Variants in BMP5 observed in about 807,000 individuals in gnomAD.
BMP5 encodes the protein bone morphogenetic protein 5.
In BMP5, 23 loss-of-function variants were observed where a neutral mutation model predicts 46.6. That is an observed-to-expected ratio of 0.49 (90% CI 0.35 to 0.70). The LOEUF (loss-of-function observed/expected upper bound fraction) is 0.70. Among genes scored for constraint, BMP5 ranks in the 30% least tolerant of loss-of-function variants. The pLI is 0.00. For missense variants in BMP5, 545 were observed against 565.6 expected (o/e 0.96, Z 0.37); for synonymous variants, 204 against 191.9 (o/e 1.06, Z -0.52).
chr6:55,806,164 A>G (rs926356780), intron 2 of BMP5, among the ~76,000 whole-genome samples: 1 of 152,068 alleles, frequency 6.6e-6, no homozygotes, highest in African/African-American at 2.4e-5. Flanking sequence ...CCTGAATGGT[A>G]TTGCCTAGGT....
At chr6:55,818,844 A>G (rs1158124027) in intron 2 of BMP5, among the ~76,000 whole-genome samples, 1 of 152,174 alleles carries the variant, frequency 6.6e-6, no homozygotes, top group Non-Finnish European at 1.5e-5. Flanking sequence ...CAAAAGGAAG[A>G]CCTAGATGTG....
intron 3 of BMP5, among the ~76,000 whole-genome samples, chr6:55,781,834 C>T (rs1417616550): frequency 1.3e-5 from 2 of 151,906 alleles, no homozygotes; most frequent in Non-Finnish European, 2.9e-5. Flanking sequence ...TGGTCTCAAA[C>T]TCCTGACCAC....
chr6:55,863,503 G>C (rs1421292608), intron 1 of BMP5, among the ~76,000 whole-genome samples: 1 of 152,098 alleles, frequency 6.6e-6, no homozygotes, highest in Non-Finnish European at 1.5e-5. Context: ...TTAAGATGTG[G>C]ATAAATTGAA....
chr6:55,816,488 A>G (rs536025366), intron 2 of BMP5, among the ~76,000 whole-genome samples: 86 of 152,276 alleles, frequency 5.6e-4, no homozygotes, highest in South Asian at 1.0e-3. Flanking sequence ...AGTATTCACT[A>G]TATATGCCTG....
chr6:55,789,883 A>C (rs1205622575), intron 3 of BMP5, among the ~76,000 whole-genome samples: 1 of 152,176 alleles, frequency 6.6e-6, no homozygotes, highest in Non-Finnish European at 1.5e-5. Flanking sequence ...AGCATGAAAA[A>C]ATAATAAAAT....
chr6:55,854,013 G>A (rs918490120), intron 1 of BMP5, among the ~76,000 whole-genome samples: 5 of 151,938 alleles, frequency 3.3e-5, no homozygotes, highest in African/African-American at 1.2e-4. Context: ...GGATATTTTA[G>A]CAAACATTTT....
intron 1 of BMP5, among the ~76,000 whole-genome samples, chr6:55,840,906 C>G (rs912964360): frequency 2.0e-5 from 3 of 152,318 alleles, no homozygotes; most frequent in Non-Finnish European, 4.4e-5. Context: ...CTCCAACCCC[C>G]AGGCCCCAGA....
At chr6:55,822,242 A>G (rs920273883) in intron 1 of BMP5, among the ~76,000 whole-genome samples, 2 of 152,184 alleles carry the variant, frequency 1.3e-5, no homozygotes, top group Admixed American at 6.5e-5. Flanking sequence ...ACATAGACCT[A>G]AAATCTTGTA....
At chr6:55,835,688 A>G (rs1776777602) in intron 1 of BMP5, among the ~76,000 whole-genome samples, 1 of 152,152 alleles carries the variant, frequency 6.6e-6, no homozygotes, top group African/African-American at 2.4e-5. Context: ...ATTATGTTCA[A>G]TTTCTAGAAA....
intron 3 of BMP5, among the ~76,000 whole-genome samples, chr6:55,787,667 C>T (rs764512827): frequency 5.9e-5 from 9 of 151,482 alleles, no homozygotes; most frequent in Non-Finnish European, 1.2e-4. Flanking sequence ...TGGGAATGAA[C>T]AACAACAACA....
In BMP5 at chr6:55,802,371, C is replaced by T. The variant is rs924651213; in HGVS notation, c.684-7944G>A. 5.9e-5 allele frequency among the ~76,000 whole-genome samples: 9 copies of T among 152,316 alleles called. 1 individual carries two copies. The highest frequency in any genetic ancestry group is 2.2e-4 in the African/African-American group (9 of 41,564). The stretch of plus-strand genomic sequence containing the variant: ...TAAATATCAAAGGGAAATTGGACTA[C>T]TACTACCACAATATGAGTAATGAGG... On this transcript the variant is annotated intron_variant, in intron 2 of 6. Transcript: ENST00000370830.
chr6:55,821,029 T>C (rs556687749), intron 1 of BMP5, among the ~76,000 whole-genome samples: 2 of 152,244 alleles, frequency 1.3e-5, no homozygotes, highest in East Asian at 3.9e-4. Flanking sequence ...AAATTGGAAA[T>C]CTTTAGAAGA....
chr6:55,766,926 C>T (rs1202276987), intron 4 of BMP5, among the ~76,000 whole-genome samples: 1 of 152,058 alleles, frequency 6.6e-6, no homozygotes, highest in African/African-American at 2.4e-5. Context: ...ATAAGTCCCT[C>T]ATGTAGTATT....
chr6:55,755,226 T>C lies in BMP5; in HGVS notation c.*307A>G, dbSNP rs1216570262. ...CTAATCTCAGAAAATTATGTAAAAT[T>C]GTATTAGAAAAAAATGTTGAAATGG... On this transcript the variant is annotated 3_prime_UTR_variant, in exon 7 of 7. Transcript: ENST00000370830. The C allele has an allele frequency of 5.2e-6, 1 of 193,146 alleles. No homozygotes were observed. Among genetic ancestry groups the C allele is most frequent in the African/African-American group, 2.3e-5 (1 of 42,676 alleles). The allele number at this position is 193,146 out of a possible 1,614,324, so 12.0% of individuals were successfully genotyped here. A position where few individuals can be genotyped will look rare whatever the true frequency, so the allele number is the denominator to read the frequency against.
chr6:55,796,491 ATTTTTTTTC>A (rs1562042106), intron 2 of BMP5, among the ~76,000 whole-genome samples: 1 of 150,730 alleles, frequency 6.6e-6, no homozygotes, highest in African/African-American at 2.4e-5. Flanking sequence ...TGGAATTTGT[ATTTTTTTTC>A]TTTTTTTTTA....
intron 2 of BMP5, among the ~76,000 whole-genome samples, chr6:55,818,983 T>C (rs1322015799): frequency 6.6e-6 from 1 of 152,018 alleles, no homozygotes; most frequent in Non-Finnish European, 1.5e-5. Flanking sequence ...GATAGATAGA[T>C]AGATGGTAGA....
At chr6:55,762,042 T>A (rs1774796146) in intron 4 of BMP5, among the ~76,000 whole-genome samples, 1 of 152,136 alleles carries the variant, frequency 6.6e-6, no homozygotes, top group Admixed American at 6.6e-5. Context: ...TACCCATAAC[T>A]TTTTATAATT....
chr6:55,847,819 T>C (rs1056700064), intron 1 of BMP5, among the ~76,000 whole-genome samples: 3 of 152,004 alleles, frequency 2.0e-5, no homozygotes, highest in Admixed American at 2.0e-4. Flanking sequence ...TGTCTCAATA[T>C]TGTAAAAATA....
chr6:55,862,404 T>TC (rs1234303273), intron 1 of BMP5, among the ~76,000 whole-genome samples: 1 of 152,218 alleles, frequency 6.6e-6, no homozygotes, highest in Non-Finnish European at 1.5e-5. Flanking sequence ...CCCTTTTATT[T>TC]CAATTTATAA....
Sources: gnomAD v4.1 joint callset for allele counts (sites outside exome capture counted in the v4.1 genomes callset) on GRCh38, gnomAD v4.1.1 for gene constraint, MANE v1.5 for transcripts, NCBI Gene and HGNC (gene_info 2026-07-23, HGNC 2026-07-21) for gene names.